Variants in GRM7 observed in about 807,000 individuals in gnomAD.
The protein encoded by GRM7 is metabotropic glutamate receptor 7.
Under a neutral mutation model 84.5 loss-of-function variants are expected in GRM7, and 35 were observed. The observed-to-expected ratio is 0.41, with a 90% CI of 0.32 to 0.55. The LOEUF (loss-of-function observed/expected upper bound fraction) is 0.55. Among genes scored for constraint, GRM7 ranks in the 20% least tolerant of loss-of-function variants. GRM7 has a pLI of 0.19. For missense variants in GRM7, 1,003 were observed against 1,194.6 expected (o/e 0.84, Z 2.36); for synonymous variants, 487 against 455.1 (o/e 1.07, Z -0.89).
intron 7 of GRM7, among the ~76,000 whole-genome samples, chr3:7,495,202 G>T (rs115656635): frequency 2.3e-3 from 355 of 152,252 alleles, no homozygotes; most frequent in African/African-American, 7.9e-3. Context: ...TTGTTTATAA[G>T]TTGCTGCTCA....
chr3:7,613,885 G>T (rs1184549300), intron 8 of GRM7, among the ~76,000 whole-genome samples: 1 of 152,170 alleles, frequency 6.6e-6, no homozygotes, highest in African/African-American at 2.4e-5. Context: ...TACCACTGTT[G>T]TTTAACTTGG....
intron 4 of GRM7, among the ~76,000 whole-genome samples, chr3:7,409,005 A>G (rs976488310): frequency 2.0e-5 from 3 of 152,240 alleles, no homozygotes; most frequent in African/African-American, 7.2e-5. Flanking sequence ...ATTCTCCACT[A>G]CATTAAATTC....
intron 4 of GRM7, among the ~76,000 whole-genome samples, chr3:7,333,004 T>C (rs992843137): frequency 1.3e-5 from 2 of 152,222 alleles, no homozygotes; most frequent in South Asian, 2.1e-4. Context: ...TCTACTACCA[T>C]AGCTGGTGCT....
intron 4 of GRM7, among the ~76,000 whole-genome samples, chr3:7,394,790 C>A (rs1255307122): frequency 6.6e-6 from 1 of 152,108 alleles, no homozygotes; most frequent in Non-Finnish European, 1.5e-5. Flanking sequence ...GTAATCCCAG[C>A]ACTTTGGGAG....
At chr3:7,407,501 A>C (rs1397420300) in intron 4 of GRM7, among the ~76,000 whole-genome samples, 1 of 152,142 alleles carries the variant, frequency 6.6e-6, no homozygotes, top group East Asian at 1.9e-4. Context: ...ACCTTAACAA[A>C]AGGAAAGGAA....
intron 8 of GRM7, among the ~76,000 whole-genome samples, chr3:7,604,969 A>G (rs1435018564): frequency 6.6e-6 from 1 of 152,232 alleles, no homozygotes; most frequent in African/African-American, 2.4e-5. Context: ...TTAGGCTAAC[A>G]TCAATAAATA....
chr3:7,605,825 A>C (rs1328442963), intron 8 of GRM7, among the ~76,000 whole-genome samples: 1 of 152,220 alleles, frequency 6.6e-6, no homozygotes, highest in Non-Finnish European at 1.5e-5. Flanking sequence ...TAAATATTTT[A>C]GGCTTGTGAG....
intron 1 of GRM7, among the ~76,000 whole-genome samples, chr3:7,020,986 A>G (rs770569283): frequency 2.0e-5 from 3 of 152,194 alleles, no homozygotes; most frequent in Non-Finnish European, 4.4e-5. Context: ...GGAAGGAAGT[A>G]GGCCAAATCA....
intron 1 of GRM7, among the ~76,000 whole-genome samples, chr3:7,119,786 C>A (rs1386368650): frequency 6.6e-6 from 1 of 152,048 alleles, no homozygotes; most frequent in Non-Finnish European, 1.5e-5. Context: ...GATGAATTTG[C>A]ATTAGGTTTA....
chr3:7,055,520 T>TTTA (rs1559409864), intron 1 of GRM7, among the ~76,000 whole-genome samples: 2 of 149,656 alleles, frequency 1.3e-5, no homozygotes, highest in African/African-American at 5.0e-5. Flanking sequence ...TATATATATA[T>TTTA]ATACATACAC....
At chr3:7,119,170 A>G (rs968253968) in intron 1 of GRM7, among the ~76,000 whole-genome samples, 2 of 152,242 alleles carry the variant, frequency 1.3e-5, no homozygotes, top group Middle Eastern at 3.4e-3. Flanking sequence ...TGGCATTCCA[A>G]TAGTCTGTAT....
rs372020934 is a variant in GRM7 at position 7,563,010 on chromosome 3, G to A, written c.1516-15412G>A. ...CAAAACTTATAAAAATAGAAAGTAG[G>A]GGAATAACAGAAAAAATAATCAAAA... On this transcript the variant is annotated intron_variant, in intron 7 of 9. Transcript: ENST00000357716. Among the ~76,000 whole-genome samples, 6 of 152,032 alleles carry A rather than the reference G, an allele frequency of 3.9e-5. No individual in the cohort carries two copies. In the East Asian group the frequency reaches 1.2e-3, roughly 29 times the overall value.
chr3:7,000,527 A>G (rs1237918204), intron 1 of GRM7, among the ~76,000 whole-genome samples: 1 of 152,056 alleles, frequency 6.6e-6, no homozygotes, highest in Non-Finnish European at 1.5e-5. Flanking sequence ...TGAGGTTTCA[A>G]AGTGTAATAG....
chr3:7,270,200 C>T (rs1698802351), intron 2 of GRM7, among the ~76,000 whole-genome samples: 5 of 152,174 alleles, frequency 3.3e-5, no homozygotes, highest in Admixed American at 2.0e-4. Flanking sequence ...TTTCTTGAAG[C>T]ACGTCTGTGT....
At chr3:7,208,517 A>T (rs1696314280) in intron 2 of GRM7, among the ~76,000 whole-genome samples, 1 of 152,126 alleles carries the variant, frequency 6.6e-6, no homozygotes, top group South Asian at 2.1e-4. Context: ...TCTGTGTATC[A>T]GGTTCTGTGC....
At chr3:7,303,758 G>A (rs73130250) in intron 3 of GRM7, among the ~76,000 whole-genome samples, 5,349 of 151,622 alleles carry the variant, frequency 0.035, 298 homozygotes, top group African/African-American at 0.12. Context: ...TATTTTTCCC[G>A]AATATTTCTT....
At chr3:7,201,369 G>A (rs76867994) in intron 2 of GRM7, among the ~76,000 whole-genome samples, 4,250 of 152,156 alleles carry the variant, frequency 0.028, 181 homozygotes, top group African/African-American at 0.088. Flanking sequence ...AATAGTGGAA[G>A]ATAGTTTTAT....
At chr3:7,542,036 G>C (rs1190286665) in intron 7 of GRM7, among the ~76,000 whole-genome samples, 1 of 152,108 alleles carries the variant, frequency 6.6e-6, no homozygotes, top group Non-Finnish European at 1.5e-5. Flanking sequence ...TTCTCCCTGT[G>C]TGTCTGTCTC....
Position 7,052,366 on chromosome 3 carries a change from A to G in GRM7, c.520-94086A>G, listed in dbSNP as rs550556715. Among the ~76,000 whole-genome samples the G allele has an allele frequency of 7.0e-4, 107 of 151,806 alleles. 2 individuals are homozygous for G. The South Asian group carries it at 0.022, about 31-fold the overall frequency. ...ATTTAAGAACAATTAACTTTTAGGC[A>G]TTGATTTTTTTCTTCTGTTTTTGTT... On this transcript the variant is annotated intron_variant, in intron 1 of 9. Coordinates refer to ENST00000357716, the MANE Select transcript of GRM7 (RefSeq NM_000844.4).
Sources: gnomAD v4.1 joint callset for allele counts (sites outside exome capture counted in the v4.1 genomes callset) on GRCh38, gnomAD v4.1.1 for gene constraint, MANE v1.5 for transcripts, NCBI Gene and HGNC (gene_info 2026-07-23, HGNC 2026-07-21) for gene names.